The following CSMD1 variants were observed in gnomAD, a reference collection of about 807,000 sequenced individuals.
CSMD1 encodes CUB and sushi domain-containing protein 1.
In CSMD1, 213 loss-of-function variants were observed where a neutral mutation model predicts 417.5. The ratio of observed to expected loss-of-function variants is 0.51; its 90% CI spans 0.46 to 0.57. The LOEUF (loss-of-function observed/expected upper bound fraction) is 0.57, where lower values mean the gene tolerates loss of function less well. Among genes scored for constraint, CSMD1 ranks in the 20% least tolerant of loss-of-function variants. The pLI is 0.00. For missense variants in CSMD1, 6,923 were observed against 4,529.7 expected, an observed-to-expected ratio of 1.53 and a Z score of -15.17; for synonymous variants, 2,862 against 1,736.8, an observed-to-expected ratio of 1.65 and a Z score of -16.11.
chr8:4,064,949 C>G (rs1799169028), intron 3 of CSMD1, among the ~76,000 whole-genome samples: 1 of 151,896 alleles, frequency 6.6e-6, no homozygotes, highest in East Asian at 1.9e-4. Context: ...AACCTTACCT[C>G]TAGATTTAAC....
intron 10 of CSMD1, among the ~76,000 whole-genome samples, chr8:3,503,521 C>T (rs1459316560): frequency 6.6e-6 from 1 of 152,220 alleles, no homozygotes; most frequent in Non-Finnish European, 1.5e-5. Context: ...GTATTTCATG[C>T]TAAAATCTCC....
At chr8:4,518,572 C>G (rs1415879403) in intron 2 of CSMD1, among the ~76,000 whole-genome samples, 3 of 146,516 alleles carry the variant, frequency 2.0e-5, no homozygotes, top group African/African-American at 7.7e-5. Flanking sequence ...ACAGTGAGAA[C>G]ACATGGACAC....
At chr8:4,218,332 G>T (rs1420628169) in intron 3 of CSMD1, among the ~76,000 whole-genome samples, 1 of 152,088 alleles carries the variant, frequency 6.6e-6, no homozygotes, top group East Asian at 1.9e-4. Context: ...CATTAATGCA[G>T]AATATTCAAA....
At chr8:4,444,386 C>T (rs1034030608) in intron 2 of CSMD1, among the ~76,000 whole-genome samples, 4 of 118,776 alleles carry the variant, frequency 3.4e-5, no homozygotes, top group African/African-American at 1.0e-4. Flanking sequence ...AGCAGAGGTT[C>T]TTGGAGTAGG....
intron 7 of CSMD1, among the ~76,000 whole-genome samples, chr8:3,628,192 C>T (rs1416795557): frequency 3.9e-5 from 6 of 152,088 alleles, no homozygotes; most frequent in South Asian, 4.1e-4. Flanking sequence ...ATTGTAACAA[C>T]GCGGTTGTAT....
chr8:3,416,581 G>C (rs570577210), intron 12 of CSMD1, among the ~76,000 whole-genome samples: 1 of 152,204 alleles, frequency 6.6e-6, no homozygotes, highest in South Asian at 2.1e-4. Flanking sequence ...ACGCTTGCTT[G>C]TTTCCTTTTG....
intron 48 of CSMD1, among the ~76,000 whole-genome samples, chr8:3,089,748 C>T (rs1814803781): frequency 1.1e-5 from 1 of 93,692 alleles, no homozygotes; most frequent in African/African-American, 4.1e-5. Flanking sequence ...CTATCTGCCT[C>T]TCTTTCTCTC....
chr8:3,159,926 G>A (rs1046254524), intron 38 of CSMD1, among the ~76,000 whole-genome samples: 1 of 152,120 alleles, frequency 6.6e-6, no homozygotes, highest in Non-Finnish European at 1.5e-5. Flanking sequence ...CTCACCATCA[G>A]GTAGAAAGAA....
Position 3,223,732 on chromosome 8 carries a change from T to A in CSMD1, c.4481A>T (p.Lys1494Ile). The change falls in exon 28 of 70, where the codon AAA becomes ATA. Residue 1494 changes from lysine (K) to isoleucine (I), a missense_variant. Coordinates refer to ENST00000635120, the MANE Select transcript of CSMD1 (RefSeq NM_033225.6). ...GGTATTCTGCAAGAGACGGTACCTT[T>A]TGAATATCAAGGCGATGACAAAGTC... ...NPDFVIALIF[K>I]SFNMEPSYDF... 6.2e-7 allele frequency: 1 copy of A among 1,613,882 alleles called. No individual in the cohort carries two copies. The highest frequency in any genetic ancestry group is 8.5e-7 in the Non-Finnish European group (1 of 1,179,794).
At chr8:3,429,816 T>C (rs1463396532) in intron 12 of CSMD1, among the ~76,000 whole-genome samples, 2 of 152,184 alleles carry the variant, frequency 1.3e-5, no homozygotes, top group South Asian at 2.1e-4. Context: ...AAATTACAGA[T>C]AGTCCCACCT....
At chr8:4,973,340 T>C (rs73497727) in intron 1 of CSMD1, among the ~76,000 whole-genome samples, 3,636 of 152,298 alleles carry the variant, frequency 0.024, 135 homozygotes, top group African/African-American at 0.083. Context: ...TAGAGTTCAT[T>C]GAACAAACAT....
At chr8:2,953,273 C>T (rs184587802) in intron 65 of CSMD1, among the ~76,000 whole-genome samples, 1 of 152,124 alleles carries the variant, frequency 6.6e-6, no homozygotes, top group African/African-American at 2.4e-5. Flanking sequence ...CTTTATTATT[C>T]AGATTGGAGA....
intron 10 of CSMD1, among the ~76,000 whole-genome samples, chr8:3,546,927 G>C (rs979054145): frequency 6.6e-6 from 1 of 152,208 alleles, no homozygotes; most frequent in East Asian, 1.9e-4. Flanking sequence ...TTAGATGGAG[G>C]GAGGATATCA....
intron 7 of CSMD1, among the ~76,000 whole-genome samples, chr8:3,665,747 G>C (rs1181036758): frequency 1.4e-5 from 2 of 147,204 alleles, no homozygotes; most frequent in Non-Finnish European, 1.5e-5. Context: ...TTAAAATATA[G>C]GAAGGTGTTT....
intron 3 of CSMD1, among the ~76,000 whole-genome samples, chr8:4,038,128 A>C (rs2130616310): frequency 6.6e-6 from 1 of 152,290 alleles, no homozygotes; most frequent in Non-Finnish European, 1.5e-5. Context: ...TTAAGGTTTA[A>C]AGTCACTGAT....
intron 7 of CSMD1, among the ~76,000 whole-genome samples, chr8:3,662,427 T>A (rs1389317358): frequency 6.6e-6 from 1 of 152,220 alleles, no homozygotes; most frequent in East Asian, 1.9e-4. Context: ...ATTTTCTTTA[T>A]CCAGTCTATT....
At chr8:3,860,012 T>A (rs144756204) in intron 5 of CSMD1, among the ~76,000 whole-genome samples, 48 of 152,212 alleles carry the variant, frequency 3.2e-4, no homozygotes, top group African/African-American at 1.1e-3. Flanking sequence ...TTGGAGTTTG[T>A]TTGAGAAGTA....
intron 1 of CSMD1, among the ~76,000 whole-genome samples, chr8:4,811,180 A>T (rs1358351111): frequency 6.6e-6 from 1 of 152,204 alleles, no homozygotes; most frequent in Non-Finnish European, 1.5e-5. Flanking sequence ...CTGCTTCATT[A>T]ATTTCTCCTC....
intron 1 of CSMD1, among the ~76,000 whole-genome samples, chr8:4,925,195 T>C (rs954451362): frequency 4.1e-5 from 6 of 147,124 alleles, no homozygotes; most frequent in Non-Finnish European, 6.0e-5. Flanking sequence ...GAATAAAACA[T>C]GGTGAATACC....
Sources: gnomAD v4.1 joint callset for allele counts (sites outside exome capture counted in the v4.1 genomes callset) on GRCh38, gnomAD v4.1.1 for gene constraint, MANE v1.5 for transcripts, NCBI Gene and HGNC (gene_info 2026-07-23, HGNC 2026-07-21) for gene names.